MBD5: variants seen among roughly 807,000 people sequenced by gnomAD.
MBD5 encodes the protein methyl-CpG binding domain protein 5.
In MBD5, 13 loss-of-function variants were observed where a neutral mutation model predicts 117.3. The ratio of observed to expected loss-of-function variants is 0.11; its 90% CI spans 0.07 to 0.18. The LOEUF (loss-of-function observed/expected upper bound fraction) is 0.18. MBD5 is among the 10% of genes least tolerant of loss of function. The probability of loss-of-function intolerance (pLI) is 1.00; values close to 1 mark genes in which losing one functional copy is unlikely to be tolerated. For synonymous variants in MBD5, 727 were observed against 766.4 expected (o/e 0.95, Z 0.85); for missense variants, 1,879 against 2,093.8 (o/e 0.90, Z 2.00).
chr2:148,202,249 G>T (rs1699165214), intron 2 of MBD5, among the ~76,000 whole-genome samples: 1 of 152,110 alleles, frequency 6.6e-6, no homozygotes, highest in South Asian at 2.1e-4. Context: ...GAAAAATAAA[G>T]CATGGTAAAT....
In MBD5 at chr2:148,483,260, C is replaced by A; in HGVS notation, c.2669C>A (p.Pro890His). ...QSQLPIGSDFPFVGQEHALHF... is the reference protein window; with the variant it reads ...QSQLPIGSDFHFVGQEHALHF... ...CAGCTACCCATTGGGAGTGATTTTC[C>A]TTTTGTTGGCCAGGAGCACGCACTT... Residue 890 changes from proline (P) to histidine (H), a missense_variant, in exon 9 of 14, where the codon CCT (proline) becomes CAT (histidine). Physicochemically the swap from Pro to His is moderately conservative, Grantham distance 77 (BLOSUM62 -2). Coordinates refer to ENST00000642680, the MANE Select transcript of MBD5 (RefSeq NM_001378120.1). 6.2e-7 allele frequency: 1 copy of A among 1,614,046 alleles called. No individual in the cohort carries two copies. The highest frequency in any genetic ancestry group is 8.5e-7 in the Non-Finnish European group (1 of 1,179,988).
chr2:148,346,306 T>C (rs1703122935), intron 4 of MBD5: 1 of 152,104 alleles, frequency 6.6e-6, no homozygotes, highest in Non-Finnish European at 1.5e-5. Flanking sequence ...AGTTTAGACT[T>C]ACACAAACAC....
chr2:148,126,258 A>T (rs1445398222), intron 1 of MBD5, among the ~76,000 whole-genome samples: 1 of 151,558 alleles, frequency 6.6e-6, no homozygotes, highest in East Asian at 1.9e-4. Context: ...AAAAAAATTT[A>T]GCTGGGCGTG....
At chr2:148,351,940 C>T (rs2105237280) in intron 4 of MBD5, among the ~76,000 whole-genome samples, 1 of 151,992 alleles carries the variant, frequency 6.6e-6, no homozygotes, top group South Asian at 2.1e-4. Context: ...TGTAGAGATC[C>T]TCTCTGCCCT....
intron 1 of MBD5, among the ~76,000 whole-genome samples, chr2:148,156,525 C>T (rs1219891216): frequency 6.6e-6 from 1 of 152,202 alleles, no homozygotes; most frequent in African/African-American, 2.4e-5. Context: ...TTAATCATGT[C>T]CTCTTCTGTG....
intron 1 of MBD5, among the ~76,000 whole-genome samples, chr2:148,166,729 T>C (rs1451980490): frequency 6.6e-6 from 1 of 152,228 alleles, no homozygotes; most frequent in Non-Finnish European, 1.5e-5. Flanking sequence ...TTTCTGTGTG[T>C]GTGTGTGCCT....
chr2:148,357,427 A>G (rs934198542), intron 4 of MBD5, among the ~76,000 whole-genome samples: 4 of 149,894 alleles, frequency 2.7e-5, no homozygotes, highest in Admixed American at 2.0e-4. Context: ...TTTGTAGGTC[A>G]TCTGCTTTTT....
chr2:148,101,461 C>G (rs1574014139), intron 1 of MBD5, among the ~76,000 whole-genome samples: 1 of 151,304 alleles, frequency 6.6e-6, no homozygotes, highest in Non-Finnish European at 1.5e-5. Context: ...GACCCTGTCC[C>G]TAAAAGAAAA....
chr2:148,425,644 A>C (rs1705755490), intron 4 of MBD5, among the ~76,000 whole-genome samples: 1 of 152,238 alleles, frequency 6.6e-6, no homozygotes, highest in South Asian at 2.1e-4. Context: ...TCAGTAAAAT[A>C]CTGGCAAACC....
intron 3 of MBD5, among the ~76,000 whole-genome samples, chr2:148,263,482 C>G (rs975903577): frequency 1.3e-5 from 2 of 152,034 alleles, no homozygotes; most frequent in Non-Finnish European, 2.9e-5. Flanking sequence ...TAAGGGTCAA[C>G]TTTTGGTGCT....
intron 1 of MBD5, among the ~76,000 whole-genome samples, chr2:148,037,942 T>G (rs1481257681): frequency 6.6e-6 from 1 of 151,956 alleles, no homozygotes; most frequent in East Asian, 1.9e-4. Context: ...TTCAGCTATT[T>G]AGAGAATGCA....
chr2:148,053,490 A>G (rs534794984), intron 1 of MBD5, among the ~76,000 whole-genome samples: 1 of 152,142 alleles, frequency 6.6e-6, no homozygotes, highest in African/African-American at 2.4e-5. Flanking sequence ...CTCTTATCCT[A>G]TCTGCTTGAC....
chr2:148,260,263 A>G (rs1173506750), intron 3 of MBD5, among the ~76,000 whole-genome samples: 1 of 152,194 alleles, frequency 6.6e-6, no homozygotes, highest in Non-Finnish European at 1.5e-5. Flanking sequence ...TGTCATTTCA[A>G]CAATGTTCAC....
At chr2:148,255,591 C>T (rs1041813407) in intron 3 of MBD5, among the ~76,000 whole-genome samples, 6 of 152,182 alleles carry the variant, frequency 3.9e-5, no homozygotes, top group African/African-American at 9.7e-5. Context: ...TACCATTCAT[C>T]GCCATACCTG....
chr2:148,489,606 T>C lies in MBD5; in HGVS notation c.3974T>C (p.Val1325Ala), dbSNP rs200136624. The change falls in exon 11 of 14, where the codon GTT becomes GCT. Residue 1325 changes from valine to alanine, a missense_variant. Physicochemically the swap from Val to Ala is moderately conservative, Grantham distance 64. Transcript: ENST00000642680. ...DASVDAIYKA[V>A]VDAASKGMQV... ...TCCGTAGATGCCATTTACAAAGCAG[T>C]TGTCGATGCAGCCAGCAAAGGAATG... 6.2e-7 allele frequency: 1 copy of C among 1,614,172 alleles called. No individual in the cohort carries two copies. Among genetic ancestry groups the C allele is most frequent in the South Asian group, 1.1e-5 (1 of 91,088 alleles).
intron 2 of MBD5, among the ~76,000 whole-genome samples, chr2:148,200,799 A>C (rs1477652363): frequency 6.6e-6 from 1 of 151,326 alleles, no homozygotes; most frequent in African/African-American, 2.5e-5. Context: ...ATTAAGGAAC[A>C]CTTTAAATGT....
intron 1 of MBD5, among the ~76,000 whole-genome samples, chr2:148,153,793 G>A (rs1697767187): frequency 7.4e-6 from 1 of 134,918 alleles, no homozygotes; most frequent in Non-Finnish European, 1.6e-5. Flanking sequence ...AGCTCCATCA[G>A]CTCCTTTAAG....
chr2:148,261,136 T>C (rs1700721430), intron 3 of MBD5, among the ~76,000 whole-genome samples: 1 of 152,206 alleles, frequency 6.6e-6, no homozygotes, highest in African/African-American at 2.4e-5. Context: ...AGATTTAGCA[T>C]AATTCTTAAG....
intron 2 of MBD5, among the ~76,000 whole-genome samples, chr2:148,207,733 A>G (rs1353461929): frequency 6.6e-6 from 1 of 151,952 alleles, no homozygotes; most frequent in East Asian, 1.9e-4. Flanking sequence ...CTGGGTGTAG[A>G]TGACACGATT....
Sources: allele counts gnomAD v4.1 joint callset (sites outside exome capture counted in the v4.1 genomes callset), GRCh38; gene constraint gnomAD v4.1.1; transcripts MANE v1.5; gene names NCBI Gene and HGNC (gene_info 2026-07-23, HGNC 2026-07-21).